The following TFRC variants were observed in gnomAD, a reference collection of about 807,000 sequenced individuals.
TFRC encodes the protein transferrin receptor.
TFRC carries 35 observed loss-of-function variants against 85.8 expected under a neutral mutation model. That is an observed-to-expected ratio of 0.41 (90% CI 0.31 to 0.54). TFRC has a LOEUF of 0.54. TFRC is among the 20% of genes least tolerant of loss of function. The pLI, the probability that TFRC is intolerant of heterozygous loss-of-function variation, is 0.31. For synonymous variants in TFRC, 362 were observed against 328.6 expected, an observed-to-expected ratio of 1.10 and a Z score of -1.10; for missense variants, 828 against 921.5, an observed-to-expected ratio of 0.90 and a Z score of 1.31.
chr3:196,076,754 C>T (rs1718738975), intron 2 of TFRC, among the ~76,000 whole-genome samples: 1 of 152,128 alleles, frequency 6.6e-6, no homozygotes. Context: ...CCACAGCGCC[C>T]CGCAAGCCTT....
At chr3:196,074,878 CAAA>C (rs34596231) in intron 3 of TFRC, among the ~76,000 whole-genome samples, 5 of 98,732 alleles carry the variant, frequency 5.1e-5, no homozygotes, top group Non-Finnish European at 8.0e-5. Flanking sequence ...GACTCCAACT[CAAA>C]AAAAAAAAAA....
chr3:196,060,533 TCA>T, intron 13 of TFRC: 1 of 307,792 alleles, frequency 3.2e-6, no homozygotes. Context: ...GCACGGTGGC[TCA>T]CGCCTGTAAT....
chr3:196,063,062 T>C lies in TFRC; in HGVS notation c.1319-123A>G, dbSNP rs141562607. On this transcript the variant is annotated intron_variant, in intron 11 of 18. Transcript: ENST00000360110. ...AGATAGCAGATTCCAAAATCTTTTT[T>C]TTCTGAGCCAAAAAAGAAAAAAAAA... 2.5e-4 allele frequency: 162 copies of C among 658,856 alleles called. No individual in the cohort carries two copies. In the African/African-American group the frequency reaches 2.7e-3, roughly 11 times the overall value. The allele number at this position is 658,856 out of a possible 1,614,324, so 40.8% of individuals were successfully genotyped here.
intron 16 of TFRC, chr3:196,055,621 C>T (rs1422017233): frequency 1.8e-5 from 7 of 378,788 alleles, no homozygotes; most frequent in Admixed American, 4.2e-5. Flanking sequence ...GAAGTTTGGG[C>T]CTTTATCAAT....
chr3:196,074,065 C>A lies in TFRC; in HGVS notation c.299G>T (p.Arg100Ile), dbSNP rs886727487. 7 of 1,614,042 alleles carry A rather than the reference C, an allele frequency of 4.3e-6. No homozygotes were observed. The highest frequency in any genetic ancestry group is 5.9e-6 in the Non-Finnish European group (7 of 1,180,026). ...CACTGGAGACTCGGTTCCTGCCAGTCTCTCACACTCAGTTTTTGGTTCTAC... is the reference window on the plus strand; with the variant it reads ...CACTGGAGACTCGGTTCCTGCCAGTATCTCACACTCAGTTTTTGGTTCTAC... ...KGVEPKTECE[R>I]LAGTESPVRE... Residue 100 changes from arginine (R) to isoleucine (I), a missense_variant, in exon 4 of 19, where the codon AGA becomes ATA. Physicochemically the swap from Arg to Ile is moderately conservative, Grantham distance 97 (BLOSUM62 -3). Transcript: ENST00000360110.
At chr3:196,067,404 A>G in intron 9 of TFRC, 114 bp downstream of exon 9, 2 of 1,224,166 alleles carry the variant, frequency 1.6e-6, no homozygotes, top group Non-Finnish European at 2.3e-6. Flanking sequence ...ACCATCCTCC[A>G]AATTCCCAAA....
intron 5 of TFRC, 113 bp downstream of exon 5, chr3:196,071,890 C>T (rs1040323947): frequency 5.1e-6 from 6 of 1,186,674 alleles, no homozygotes; most frequent in Admixed American, 2.6e-5. Context: ...GGCAACAGAG[C>T]GAGACTCCAT....
intron 2 of TFRC, among the ~76,000 whole-genome samples, chr3:196,076,123 C>T (rs1444745197): frequency 6.6e-6 from 1 of 151,734 alleles, no homozygotes; most frequent in Admixed American, 6.6e-5. Flanking sequence ...GGCAACAGAG[C>T]CCAGGCTGAG....
intron 1 of TFRC, among the ~76,000 whole-genome samples, chr3:196,079,018 C>T (rs1718942149): frequency 6.6e-6 from 1 of 152,100 alleles, no homozygotes; most frequent in South Asian, 2.1e-4. Context: ...GGGTGATCCA[C>T]CCACCTGGCC....
At chr3:196,064,574 G>A (rs1360933878) in intron 10 of TFRC, 146 bp from the exon 11 acceptor site, 4 of 693,794 alleles carry the variant, frequency 5.8e-6, no homozygotes, top group South Asian at 5.1e-5. Context: ...AAAAACTCTG[G>A]GAATTAAAAA....
At chr3:196,070,640 A>G (rs961530949) in intron 6 of TFRC, among the ~76,000 whole-genome samples, 2 of 151,976 alleles carry the variant, frequency 1.3e-5, no homozygotes, top group East Asian at 3.9e-4. Flanking sequence ...AAATTTAAAA[A>G]GATCAAGGGC....
At chr3:196,057,550 C>G (rs1050080880) in intron 16 of TFRC, among the ~76,000 whole-genome samples, 1 of 152,134 alleles carries the variant, frequency 6.6e-6, no homozygotes, top group African/African-American at 2.4e-5. Flanking sequence ...GGATTACAGG[C>G]GTGAGCTACC....
chr3:196,077,901 C>T (rs1001352622), intron 1 of TFRC, among the ~76,000 whole-genome samples: 2 of 152,060 alleles, frequency 1.3e-5, no homozygotes, highest in East Asian at 3.9e-4. Context: ...ACAAGTGATT[C>T]GATCTTTGAC....
At chr3:196,055,817 C>T (rs929348763) in intron 16 of TFRC, among the ~76,000 whole-genome samples, 8 of 151,648 alleles carry the variant, frequency 5.3e-5, no homozygotes, top group Non-Finnish European at 1.0e-4. Context: ...GTCACCCAGG[C>T]TAGAGTGCAG....
At position 196,064,523 on chromosome 3, in the gene TFRC, A is replaced by AT; in HGVS notation, c.1199-96dup. The stretch of plus-strand genomic sequence containing the variant: ...ATCAGTAGAAAGGTAAAAGCACAGT[A>AT]TATGTATTAAGGATAAAAGAGCCTT... On this transcript the variant is annotated intron_variant, in intron 10 of 18. Transcript: ENST00000360110. 6.7e-6 allele frequency: 8 copies of AT among 1,187,410 alleles called. No individual in the cohort carries two copies. In the South Asian group the frequency reaches 1.6e-4, roughly 23 times the overall value. 73.6% of individuals were successfully genotyped at this position (1,187,410 alleles called of 1,614,324 possible). A position where few individuals can be genotyped will look rare whatever the true frequency, so the allele number is the denominator to read the frequency against.
At chr3:196,064,527 G>T in intron 10 of TFRC, 99 bp from the exon 11 acceptor site, 1 of 1,117,694 alleles carries the variant, frequency 8.9e-7, no homozygotes, top group Non-Finnish European at 1.2e-6. Flanking sequence ...CACAGTATAT[G>T]TATTAAGGAT....
intron 3 of TFRC, 138 bp from the exon 4 acceptor site, chr3:196,074,263 T>A (rs1203783308): frequency 4.1e-6 from 3 of 735,862 alleles, no homozygotes; most frequent in Non-Finnish European, 6.5e-6. Context: ...ATATAATGCA[T>A]CTCAGTTTTG....
At chr3:196,073,851 T>A in intron 4 of TFRC, 79 bp downstream of exon 4, 1 of 1,400,914 alleles carries the variant, frequency 7.1e-7, no homozygotes, top group Non-Finnish European at 9.7e-7. Context: ...CCCCACAGTG[T>A]CACCATTATT....
chr3:196,053,791 A>G (rs1020015040), intron 17 of TFRC, among the ~76,000 whole-genome samples: 1 of 152,210 alleles, frequency 6.6e-6, no homozygotes, highest in Admixed American at 6.5e-5. Flanking sequence ...GAACATAATT[A>G]TATAATCCTA....
Sources: gnomAD v4.1 joint callset for allele counts (sites outside exome capture counted in the v4.1 genomes callset) on GRCh38, gnomAD v4.1.1 for gene constraint, MANE v1.5 for transcripts, NCBI Gene and HGNC (gene_info 2026-07-23, HGNC 2026-07-21) for gene names.